Variants in LCP2 observed in about 807,000 individuals in gnomAD.
The protein encoded by LCP2 is 76 kDa tyrosine phosphoprotein.
In LCP2, 29 loss-of-function variants were observed where a neutral mutation model predicts 74.5. The ratio of observed to expected loss-of-function variants is 0.39; its 90% confidence interval spans 0.29 to 0.53. LCP2 has a LOEUF of 0.53. Among genes scored for constraint, LCP2 ranks in the 20% least tolerant of loss-of-function variants. LCP2 has a pLI of 0.72. For synonymous variants in LCP2, 228 were observed against 229.5 expected (o/e 0.99, Z 0.06); for missense variants, 604 against 634.6 (o/e 0.95, Z 0.52).
chr5:170,289,695 T>C lies in LCP2; in HGVS notation c.142-1679A>G, dbSNP rs1463723535. ...TTTCTCTCTCTCTCTCTTTCTTTCT[T>C]TCTTTCCTTCTTTCTTTCTTTCCTT... On this transcript the variant is annotated intron_variant, in intron 2 of 20. Coordinates refer to ENST00000046794, the MANE Select transcript of LCP2 (RefSeq NM_005565.5). Among the ~76,000 whole-genome samples the C allele has an allele frequency of 5.3e-3, 758 of 142,536 alleles. 5 individuals carry two copies. The highest frequency in any genetic ancestry group is 0.024 in the Middle Eastern group (6 of 254). The allele number at this position is 142,536 out of a possible 152,430, so 93.5% of individuals were successfully genotyped here.
intron 19 of LCP2, 56 bp from the exon 20 acceptor site, chr5:170,250,941 C>T (rs1581055414): frequency 6.8e-7 from 1 of 1,464,950 alleles, no homozygotes; most frequent in Non-Finnish European, 9.5e-7. Flanking sequence ...ATTTTTGTTG[C>T]TTGTAAGAGT....
At position 170,264,515 on chromosome 5, in the gene LCP2, G is replaced by A. The variant is rs555892614; in HGVS notation, c.773-1523C>T. Among the ~76,000 whole-genome samples the A allele has an allele frequency of 5.3e-5, 8 of 152,362 alleles. No homozygotes were observed. In the South Asian group the frequency reaches 1.7e-3, roughly 32 times the overall value. ...CATGATAAGAATATTGCCTCACTGTGAAGAGCTTACTGACACTGAGTGTGG... is the reference window on the plus strand; with the variant it reads ...CATGATAAGAATATTGCCTCACTGTAAAGAGCTTACTGACACTGAGTGTGG... On this transcript the variant is annotated intron_variant, in intron 10 of 20. Transcript: ENST00000046794.
intron 2 of LCP2, among the ~76,000 whole-genome samples, chr5:170,289,654 T>TC (rs1345359382): frequency 1.5e-3 from 181 of 116,802 alleles, no homozygotes; most frequent in African/African-American, 5.9e-3. Flanking sequence ...TCTTTCTTTC[T>TC]TTCTTTCTTT....
intron 3 of LCP2, among the ~76,000 whole-genome samples, chr5:170,281,964 G>C (rs1044784710): frequency 5.3e-5 from 8 of 152,160 alleles, no homozygotes; most frequent in Admixed American, 5.2e-4. Flanking sequence ...AGATTTGAAC[G>C]TGTATTCGTG....
intron 4 of LCP2, 141 bp from the exon 5 acceptor site, chr5:170,275,492 C>T (rs1761991535): frequency 2.1e-6 from 2 of 938,440 alleles, no homozygotes; most frequent in African/African-American, 3.3e-5. Context: ...CCTTGCTGCT[C>T]AGCAACTGGG....
At chr5:170,283,946 T>C (rs556384830) in intron 3 of LCP2, among the ~76,000 whole-genome samples, 13 of 152,354 alleles carry the variant, frequency 8.5e-5, no homozygotes, top group African/African-American at 2.9e-4. Flanking sequence ...TGTGCATGCA[T>C]GTACCATTGC....
chr5:170,289,292 A>C (rs1019244029), intron 2 of LCP2, among the ~76,000 whole-genome samples: 1 of 152,194 alleles, frequency 6.6e-6, no homozygotes, highest in African/African-American at 2.4e-5. Flanking sequence ...GGGAAGCAGC[A>C]GGGGTCTGGG....
chr5:170,286,956 G>A (rs547785225), intron 3 of LCP2, among the ~76,000 whole-genome samples: 1 of 152,122 alleles, frequency 6.6e-6, no homozygotes, highest in South Asian at 2.1e-4. Context: ...TGTTTACTGT[G>A]GCATTCACAA....
At chr5:170,265,183 T>C (rs563831497) in intron 10 of LCP2, among the ~76,000 whole-genome samples, 1 of 152,114 alleles carries the variant, frequency 6.6e-6, no homozygotes, top group African/African-American at 2.4e-5. Context: ...GAGACGGGGT[T>C]TCACCGTGTT....
chr5:170,289,950 G>A (rs991056759), intron 2 of LCP2, among the ~76,000 whole-genome samples: 6 of 151,962 alleles, frequency 3.9e-5, no homozygotes, highest in Non-Finnish European at 7.4e-5. Context: ...CGTAAGCTGA[G>A]GGAATTTCAG....
At position 170,265,019 on chromosome 5, in the gene LCP2, G is replaced by A. The variant is rs530526272; in HGVS notation, c.772+1789C>T. ...TTTTTTTTTTTTGAGACAGAGTCTC[G>A]CTCTGTCGCCCAGGCTGGAGTGCAG... On this transcript the variant is annotated intron_variant, in intron 10 of 20. Coordinates refer to ENST00000046794, the MANE Select transcript of LCP2 (RefSeq NM_005565.5). Among the ~76,000 whole-genome samples, 252 of 125,194 alleles carry A rather than the reference G, an allele frequency of 2.0e-3. 2 individuals carry two copies. Among genetic ancestry groups the A allele is most frequent in the African/African-American group, 7.4e-3 (229 of 30,758 alleles). 82.1% of individuals were successfully genotyped at this position (125,194 alleles called of 152,430 possible). A position where few individuals can be genotyped will look rare whatever the true frequency, so the allele number is the denominator to read the frequency against.
At chr5:170,286,195 G>A (rs190935525) in intron 3 of LCP2, among the ~76,000 whole-genome samples, 1 of 152,282 alleles carries the variant, frequency 6.6e-6, no homozygotes, top group Non-Finnish European at 1.5e-5. Context: ...GGGAATGGTG[G>A]GACCCTGGTG....
At chr5:170,271,489 T>C (rs1450413003) in intron 6 of LCP2, among the ~76,000 whole-genome samples, 1 of 152,192 alleles carries the variant, frequency 6.6e-6, no homozygotes, top group Non-Finnish European at 1.5e-5. Context: ...TTGCTGAAAG[T>C]TGAGTGTATC....
chr5:170,265,208 C>T (rs1257407959), intron 10 of LCP2, among the ~76,000 whole-genome samples: 1 of 152,020 alleles, frequency 6.6e-6, no homozygotes, highest in Non-Finnish European at 1.5e-5. Context: ...AGGATGGTCT[C>T]CATCTCCTGA....
chr5:170,275,201 C>T, intron 5 of LCP2, 119 bp downstream of exon 5: 1 of 1,093,440 alleles, frequency 9.1e-7, no homozygotes, highest in Middle Eastern at 2.0e-4. Flanking sequence ...AACTGGCTGA[C>T]AGACAAGTCA....
At chr5:170,263,935 T>C (rs1761704931) in intron 10 of LCP2, among the ~76,000 whole-genome samples, 1 of 152,214 alleles carries the variant, frequency 6.6e-6, no homozygotes, top group Non-Finnish European at 1.5e-5. Context: ...TTGGGAATTT[T>C]ATCACCTCCA....
At chr5:170,274,240 T>C in intron 6 of LCP2, 61 bp downstream of exon 6, 1 of 1,571,232 alleles carries the variant, frequency 6.4e-7, no homozygotes, top group African/African-American at 1.4e-5. Context: ...CCTGGCTCCT[T>C]ATCACAAAGC....
intron 1 of LCP2, among the ~76,000 whole-genome samples, chr5:170,296,903 G>A (rs1412945935): frequency 6.6e-6 from 1 of 152,190 alleles, no homozygotes; most frequent in East Asian, 1.9e-4. Context: ...CAAGGAGACT[G>A]CCCCAGGCGG....
At chr5:170,268,553 A>G in intron 7 of LCP2, 71 bp from the exon 8 acceptor site, 1 of 194,488 alleles carries the variant, frequency 5.1e-6, no homozygotes. Context: ...AGGAACAGAT[A>G]TGCAGCTCGG....
Sources: gnomAD v4.1 joint callset for allele counts (sites outside exome capture counted in the v4.1 genomes callset) on GRCh38, gnomAD v4.1.1 for gene constraint, MANE v1.5 for transcripts, NCBI Gene and HGNC (gene_info 2026-07-23, HGNC 2026-07-21) for gene names.